TAC3: variants seen among roughly 807,000 people sequenced by gnomAD.
TAC3 encodes the protein tachykinin-3.
A neutral mutation model predicts 16.5 loss-of-function variants in TAC3; 9 were observed. The observed-to-expected ratio is 0.55, with a 90% confidence interval of 0.33 to 0.95. The LOEUF is 0.95. TAC3 is among the 40% of genes least tolerant of loss of function. The probability of loss-of-function intolerance (pLI) is 0.03; values close to 1 mark genes in which losing one functional copy is unlikely to be tolerated. For missense variants in TAC3, 129 were observed against 149.1 expected, an observed-to-expected ratio of 0.87 and a Z score of 0.70; for synonymous variants, 52 against 56.7, an observed-to-expected ratio of 0.92 and a Z score of 0.37.
intron 6 of TAC3, among the ~76,000 whole-genome samples, chr12:57,011,578 T>C (rs1345431253): frequency 6.6e-6 from 1 of 152,168 alleles, no homozygotes; most frequent in Non-Finnish European, 1.5e-5. Context: ...GGGGAAACAT[T>C]AGGACATCCC....
chr12:57,016,422 TG>T lies in TAC3; in HGVS notation c.-42del, dbSNP rs1330808004. ...GCTCTGTGCCGGGGGCTGGGTGGTC[TG>T]GCAGGATCAAGGAACTGGCTAGGAC... On this transcript the variant is annotated 5_prime_UTR_variant, in exon 1 of 7. Coordinates refer to ENST00000458521, the MANE Select transcript of TAC3 (RefSeq NM_013251.4). 1 of 453,774 alleles carries T rather than the reference TG, an allele frequency of 2.2e-6. No individual in the cohort carries two copies. The allele number at this position is 453,774 out of a possible 1,614,324, so 28.1% of individuals were successfully genotyped here. A position where few individuals can be genotyped will look rare whatever the true frequency, so the allele number is the denominator to read the frequency against.
intron 6 of TAC3, among the ~76,000 whole-genome samples, chr12:57,010,546 G>T (rs1397704551): frequency 6.6e-6 from 1 of 152,166 alleles, no homozygotes; most frequent in African/African-American, 2.4e-5. Flanking sequence ...TGCATGGCCA[G>T]TGGGGCCCAT....
intron 5 of TAC3, 164 bp from the exon 6 acceptor site, chr12:57,012,616 A>G: frequency 6.2e-7 from 1 of 1,612,822 alleles, no homozygotes; most frequent in Non-Finnish European, 8.5e-7. Flanking sequence ...CTGCAACAGG[A>G]CTACCTTATA....
At chr12:57,013,036 C>G (rs989751463) in intron 4 of TAC3, 161 bp from the exon 5 acceptor site, 6 of 899,222 alleles carry the variant, frequency 6.7e-6, no homozygotes, top group South Asian at 1.4e-5. Flanking sequence ...TAAACCCACT[C>G]TCTCTGCTCA....
At chr12:57,015,829 G>A (rs1217859060) in intron 1 of TAC3, 27 bp from the exon 2 acceptor site, 1 of 1,585,088 alleles carries the variant, frequency 6.3e-7, no homozygotes, top group Admixed American at 1.7e-5. Flanking sequence ...ACAGGACTCA[G>A]GTAAAGGAGA....
chr12:57,016,306 A>G (rs1956373797), intron 1 of TAC3, 81 bp downstream of exon 1: 1 of 368,648 alleles, frequency 2.7e-6, no homozygotes, highest in African/African-American at 2.1e-5. Flanking sequence ...AGAGGCTGCC[A>G]TCTGCTTTAT....
At chr12:57,011,703 T>A (rs1453432721) in intron 6 of TAC3, among the ~76,000 whole-genome samples, 1 of 152,354 alleles carries the variant, frequency 6.6e-6, no homozygotes, top group East Asian at 1.9e-4. Context: ...CCCTGTGAGA[T>A]ACTATTATCA....
intron 6 of TAC3, among the ~76,000 whole-genome samples, chr12:57,011,456 G>A (rs184539924): frequency 7.2e-5 from 11 of 152,300 alleles, no homozygotes; most frequent in Non-Finnish European, 1.2e-4. Context: ...ACAGTGTCAA[G>A]GCGGAAGGTT....
chr12:57,013,428 T>A (rs146759816), intron 3 of TAC3, 40 bp from the exon 4 acceptor site: 1 of 1,613,572 alleles, frequency 6.2e-7, no homozygotes. Context: ...GGGAGTGAAG[T>A]TGGAAAGTGA....
At chr12:57,013,255 T>C in intron 4 of TAC3, 104 bp downstream of exon 4, 6 of 1,399,610 alleles carry the variant, frequency 4.3e-6, no homozygotes, top group Non-Finnish European at 6.1e-6. Flanking sequence ...GGCATATTGT[T>C]TGTACCAGGT....
At position 57,010,057 on chromosome 12, in the gene TAC3, GTAGGACAC is replaced by G. The variant is rs767382849; in HGVS notation, c.*225_*232del. ...TAGAGAGAGACATTATATTTTTAAT[GTAGGACAC>G]TACAGGAACTCTAGGGTATTCTACA... On this transcript the variant is annotated 3_prime_UTR_variant, in exon 7 of 7. Coordinates refer to ENST00000458521, the MANE Select transcript of TAC3 (RefSeq NM_013251.4). 7.3e-5 allele frequency: 33 copies of G among 450,760 alleles called. 1 individual carries two copies. Among genetic ancestry groups the G allele is most frequent in the South Asian group, 5.0e-4 (32 of 64,272 alleles). 27.9% of individuals were successfully genotyped at this position (450,760 alleles called of 1,614,324 possible).
chr12:57,012,633 T>G, intron 5 of TAC3, 181 bp from the exon 6 acceptor site: 1 of 1,613,092 alleles, frequency 6.2e-7, no homozygotes, highest in Non-Finnish European at 8.5e-7. Flanking sequence ...TATAAAGGTC[T>G]CTGCTCCTCT....
intron 6 of TAC3, chr12:57,012,150 G>T: frequency 1.8e-6 from 1 of 562,002 alleles, no homozygotes; most frequent in South Asian, 1.9e-5. Flanking sequence ...TCAATAGTCA[G>T]CTGCCGTCCA....
chr12:57,015,157 T>C lies in TAC3; in HGVS notation c.114+527A>G, dbSNP rs189896414. On this transcript the variant is annotated intron_variant, in intron 2 of 6. Coordinates refer to ENST00000458521, the MANE Select transcript of TAC3 (RefSeq NM_013251.4). ...GGGAGAAAAGAGAAGAAGGAAGGGG[T>C]TGGGATCTTAGAAGCACCTGAGGTT... Among the ~76,000 whole-genome samples, 229 of 152,054 alleles carry C rather than the reference T, an allele frequency of 1.5e-3. 1 individual carries two copies. The highest frequency in any genetic ancestry group is 5.4e-3 in the African/African-American group (223 of 41,464).
rs998226042 is a variant in TAC3 at position 57,010,219 on chromosome 12, G to A, written c.*71C>T. On this transcript the variant is annotated 3_prime_UTR_variant, in exon 7 of 7. Transcript: ENST00000458521. The stretch of plus-strand genomic sequence containing the variant: ...AGGGAAGAGAAAGGGTAACAGGAGC[G>A]TGCGCACCTGGGGATTGGGACAGGG... 1.8e-5 allele frequency: 8 copies of A among 453,934 alleles called. No homozygotes were observed. Among genetic ancestry groups the A allele is most frequent in the African/African-American group, 6.0e-5 (3 of 49,968 alleles). The allele number at this position is 453,934 out of a possible 1,614,324, so 28.1% of individuals were successfully genotyped here. A position where few individuals can be genotyped will look rare whatever the true frequency, so the allele number is the denominator to read the frequency against.
chr12:57,014,153 C>T (rs1019617315), intron 2 of TAC3, among the ~76,000 whole-genome samples: 4 of 152,146 alleles, frequency 2.6e-5, no homozygotes, highest in African/African-American at 7.2e-5. Flanking sequence ...TCAGAAGGCA[C>T]GTCTTCTTCT....
chr12:57,015,675 G>T lies in TAC3; in HGVS notation c.114+9C>A, dbSNP rs1330063979. The T allele has an allele frequency of 1.1e-5, 18 of 1,612,332 alleles. No homozygotes were observed. The highest frequency in any genetic ancestry group is 1.5e-5 in the Non-Finnish European group (18 of 1,179,186). ...TGATGTCCCCAGTACTCTGCCAGGGGAGACTTACCTTGCTGCGGCCCCCGC... is the reference window on the plus strand; with the variant it reads ...TGATGTCCCCAGTACTCTGCCAGGGTAGACTTACCTTGCTGCGGCCCCCGC... On this transcript the variant is annotated intron_variant, in intron 2 of 6. Transcript: ENST00000458521.
intron 1 of TAC3, 56 bp from the exon 2 acceptor site, chr12:57,015,858 T>C (rs575577418): frequency 2.7e-6 from 4 of 1,462,436 alleles, no homozygotes; most frequent in Middle Eastern, 1.7e-4. Context: ...AGATACAGCA[T>C]GGGTGAAGAC....
chr12:57,015,377 C>A (rs1031427789), intron 2 of TAC3, among the ~76,000 whole-genome samples: 2 of 152,090 alleles, frequency 1.3e-5, no homozygotes, highest in Non-Finnish European at 1.5e-5. Context: ...GAGCCTTAGA[C>A]CACCCTAGCT....
Sources: gnomAD v4.1 joint callset for allele counts (sites outside exome capture counted in the v4.1 genomes callset) on GRCh38, gnomAD v4.1.1 for gene constraint, MANE v1.5 for transcripts, NCBI Gene and HGNC (gene_info 2026-07-23, HGNC 2026-07-21) for gene names.